The following CHD8 variants were observed in gnomAD, a reference collection of about 807,000 sequenced individuals.
The protein encoded by CHD8 is ATP-dependent chromatin remodeler CHD8.
CHD8 carries 31 observed loss-of-function variants against 279.2 expected under a neutral mutation model. The ratio of observed to expected loss-of-function variants is 0.11; its 90% confidence interval spans 0.08 to 0.15. The LOEUF is 0.15. Ranked by LOEUF, CHD8 falls within the 10% of genes least tolerant of loss-of-function variation. The pLI is 1.00. For synonymous variants in CHD8, 1,081 were observed against 1,139.6 expected, an observed-to-expected ratio of 0.95 and a Z score of 1.04; for missense variants, 2,146 against 3,230.5, an observed-to-expected ratio of 0.66 and a Z score of 8.14.
intron 1 of CHD8, among the ~76,000 whole-genome samples, chr14:21,446,123 C>T (rs1445751120): frequency 6.6e-6 from 1 of 151,824 alleles, no homozygotes; most frequent in Non-Finnish European, 1.5e-5. Context: ...ACCCAGGCAG[C>T]AGAGGTTGCA....
chr14:21,400,895 T>C lies in CHD8; in HGVS notation c.4350A>G (p.Glu1450=). ...AYGRTDCFRV[E]KHLLVYGWGR... is the part of the protein sequence containing the mutation. ...CTTACCCATATACCAGGAGATGCTT[T>C]TCCACCCGAAAGCAGTCAGTGCGCC... is the stretch of plus-strand genomic sequence containing the variant. The change falls in exon 22 of 38, where the codon GAA becomes GAG. Residue 1450 remains glutamate (E), a synonymous_variant. Coordinates refer to ENST00000646647, the MANE Select transcript of CHD8 (RefSeq NM_001170629.2). The surrounding 1 kb of genome is among the most constrained non-coding windows in gnomAD (Gnocchi z 4.2). 1.2e-6 allele frequency: 2 copies of C among 1,612,158 alleles called. No individual in the cohort carries two copies. Among genetic ancestry groups the C allele is most frequent in the Non-Finnish European group, 1.7e-6 (2 of 1,179,006 alleles).
At chr14:21,452,017 C>T (rs1890267835) in intron 1 of CHD8, among the ~76,000 whole-genome samples, 1 of 152,012 alleles carries the variant, frequency 6.6e-6, no homozygotes, top group South Asian at 2.1e-4. Context: ...AAAGGTTATC[C>T]AAGACAAAAT....
intron 26 of CHD8, 177 bp downstream of exon 26, chr14:21,399,425 C>T: frequency 7.0e-6 from 4 of 570,748 alleles, no homozygotes; most frequent in Non-Finnish European, 9.5e-6. Flanking sequence ...CCTTCTTGAA[C>T]ATCTATTTAT....
intron 5 of CHD8, among the ~76,000 whole-genome samples, chr14:21,419,294 C>G (rs1319827693): frequency 1.3e-5 from 2 of 152,290 alleles, no homozygotes; most frequent in East Asian, 3.9e-4. Context: ...AGCGGTGGCT[C>G]ATGTCTGTAA....
At chr14:21,414,502 G>T in intron 8 of CHD8, 84 bp from the exon 9 acceptor site, 1 of 722,432 alleles carries the variant, frequency 1.4e-6, no homozygotes, top group Non-Finnish European at 2.4e-6. Context: ...TTAGTCAGAA[G>T]CAGACATAAC....
Position 21,408,612 on chromosome 14 carries a change from T to C in CHD8, c.2487-57A>G, listed in dbSNP as rs574835553. 1.1e-4 allele frequency: 171 copies of C among 1,556,798 alleles called. No individual in the cohort carries two copies. Among genetic ancestry groups the C allele is most frequent in the Non-Finnish European group, 1.4e-4 (164 of 1,149,702 alleles). On this transcript the variant is annotated intron_variant, in intron 12 of 37. Coordinates refer to ENST00000646647, the MANE Select transcript of CHD8 (RefSeq NM_001170629.2). The surrounding 1 kb of genome is among the most constrained non-coding windows in gnomAD (Gnocchi z 4.3). Reference sequence around the variant, plus strand: ...TAAAAGATACTATCTTTAAAAAAAATAGAGTATGTAGGAAGAAATTGTTTC... The same window carrying C: ...TAAAAGATACTATCTTTAAAAAAAACAGAGTATGTAGGAAGAAATTGTTTC...
At chr14:21,425,797 G>C (rs1402773458) in intron 5 of CHD8, 1 of 217,986 alleles carries the variant, frequency 4.6e-6, no homozygotes, top group Non-Finnish European at 9.0e-6. Context: ...TTAGCTGGGC[G>C]TGGTGGTGCA....
rs1888068096 is a variant in CHD8 at position 21,402,238 on chromosome 14, T to A, written c.3882+98A>T. On this transcript the variant is annotated intron_variant, in intron 19 of 37. Transcript: ENST00000646647. The surrounding 1 kb of genome is among the most constrained non-coding windows in gnomAD (Gnocchi z 4.5). ...TATTTTAAGAAATAATAATTGAGAATCCAAACAAGGTAGTCAAATCCCTGT... is the reference window on the plus strand; with the variant it reads ...TATTTTAAGAAATAATAATTGAGAAACCAAACAAGGTAGTCAAATCCCTGT... 51 of 1,508,088 alleles carry A rather than the reference T, an allele frequency of 3.4e-5. No homozygotes were observed. Among genetic ancestry groups the A allele is most frequent in the Non-Finnish European group, 4.6e-5 (50 of 1,097,542 alleles). 93.4% of individuals were successfully genotyped at this position (1,508,088 alleles called of 1,614,324 possible). A position where few individuals can be genotyped will look rare whatever the true frequency, so the allele number is the denominator to read the frequency against.
At chr14:21,392,286 A>G in intron 34 of CHD8, 1 of 761,592 alleles carries the variant, frequency 1.3e-6, no homozygotes, top group Non-Finnish European at 2.3e-6. Context: ...ATACTAATTT[A>G]AGAAACTTTT....
rs376726906 is a variant in CHD8 at position 21,397,939 on chromosome 14, A to G, written c.4935T>C (p.Tyr1645=). 8.7e-6 allele frequency: 14 copies of G among 1,608,030 alleles called. No individual in the cohort carries two copies. Among genetic ancestry groups the G allele is most frequent in the East Asian group, 2.2e-5 (1 of 44,792 alleles). ...AGGCTGGGTCTGCCCTCATGGTATT[A>G]TATTTCTCATAGCCTAGAAGAAAAA... ...IGVFKHGYEK[Y]NTMRADPALC... is the part of the protein sequence containing the mutation. The change falls in exon 27 of 38, where the codon TAT becomes TAC. Residue 1645 remains tyrosine, a synonymous_variant. Coordinates refer to ENST00000646647, the MANE Select transcript of CHD8 (RefSeq NM_001170629.2).
At chr14:21,426,388 A>G (rs753823271) in intron 4 of CHD8, 146 bp from the exon 5 acceptor site, 1 of 586,644 alleles carries the variant, frequency 1.7e-6, no homozygotes, top group East Asian at 2.9e-5. Context: ...GCTACTAAAT[A>G]TGGTGTTTGA....
intron 11 of CHD8, among the ~76,000 whole-genome samples, chr14:21,409,239 A>G (rs993504445): frequency 6.6e-6 from 1 of 152,250 alleles, no homozygotes; most frequent in African/African-American, 2.4e-5. Flanking sequence ...CTAAGCATTC[A>G]TGTGAAACAT....
chr14:21,444,833 A>G (rs1335754896), intron 1 of CHD8, among the ~76,000 whole-genome samples: 1 of 152,026 alleles, frequency 6.6e-6, no homozygotes, highest in Non-Finnish European at 1.5e-5. Context: ...CATCACCTCA[A>G]TTATTATTCA....
At position 21,402,432 on chromosome 14, in the gene CHD8, G is replaced by C; in HGVS notation, c.3786C>G (p.Ser1262=). ...CCTTATCAAACATCTCTCTCTCGTA[G>C]GAATTACGAGTGATGAGGCGGTACA... The part of the protein sequence containing the change: ...VKVYRLITRN[S]YEREMFDKAS... Residue 1262 remains serine, a synonymous_variant, in exon 19 of 38, where the codon TCC becomes TCG. Transcript: ENST00000646647. This position sits in a 1 kb window ranked among gnomAD's most constrained non-coding sequence, Gnocchi z 4.5. The C allele has an allele frequency of 6.2e-7, 1 of 1,613,980 alleles. No individual in the cohort carries two copies. Among genetic ancestry groups the C allele is most frequent in the East Asian group, 2.2e-5 (1 of 44,886 alleles).
chr14:21,401,640 A>G (rs1888042196), intron 20 of CHD8, 127 bp from the exon 21 acceptor site: 2 of 635,984 alleles, frequency 3.1e-6, no homozygotes, highest in Non-Finnish European at 5.3e-6. Flanking sequence ...GCTGGGGTAC[A>G]GTGGCACGAT....
At chr14:21,447,022 T>C (rs147608030) in intron 1 of CHD8, among the ~76,000 whole-genome samples, 20 of 152,360 alleles carry the variant, frequency 1.3e-4, no homozygotes, top group African/African-American at 4.6e-4. Flanking sequence ...AGGAATGCAC[T>C]GAATTTCCAG....
chr14:21,446,572 A>C (rs1890126960), intron 1 of CHD8, among the ~76,000 whole-genome samples: 1 of 152,184 alleles, frequency 6.6e-6, no homozygotes, highest in Non-Finnish European at 1.5e-5. Context: ...CAGATTCCCA[A>C]AGTGCTAGGA....
chr14:21,395,749 G>C, intron 28 of CHD8, 68 bp downstream of exon 28: 1 of 889,838 alleles, frequency 1.1e-6, no homozygotes. Context: ...TCAAGATTCA[G>C]AGAATGGTTG....
intron 34 of CHD8, 81 bp downstream of exon 34, chr14:21,392,426 T>C (rs1887589243): frequency 7.5e-7 from 1 of 1,330,064 alleles, no homozygotes; most frequent in Non-Finnish European, 1.0e-6. Flanking sequence ...CAAATGAGTT[T>C]AGTAACCTAT....
Sources: allele counts gnomAD v4.1 joint callset (sites outside exome capture counted in the v4.1 genomes callset), GRCh38; gene constraint gnomAD v4.1.1; non-coding constraint Gnocchi (gnomAD v3.1); transcripts MANE v1.5; gene names NCBI Gene and HGNC (gene_info 2026-07-23, HGNC 2026-07-21).